Variants in KIT observed in about 807,000 individuals in gnomAD.
KIT encodes mast/stem cell growth factor receptor Kit.
Under a neutral mutation model 105.7 loss-of-function variants are expected in KIT, and 16 were observed. That is an observed-to-expected ratio of 0.15 (90% CI 0.10 to 0.23). KIT has a LOEUF of 0.23. Among genes scored for constraint, KIT ranks in the 10% least tolerant of loss-of-function variants. KIT has a pLI of 1.00. For missense variants in KIT, 858 were observed against 1,213.8 expected, an observed-to-expected ratio of 0.71 and a Z score of 4.36; for synonymous variants, 438 against 441.1, an observed-to-expected ratio of 0.99 and a Z score of 0.09.
chr4:54,670,975 ATAATAACTGTTG>A (rs72087941), intron 1 of KIT, among the ~76,000 whole-genome samples: 46,626 of 151,964 alleles, frequency 0.31, 7,769 homozygotes, highest in Admixed American at 0.4. Flanking sequence ...TTCAGTTTTA[ATAATAACTGTTG>A]TAATAACTGT....
intron 1 of KIT, among the ~76,000 whole-genome samples, chr4:54,675,720 C>T (rs1718417809): frequency 6.6e-6 from 1 of 152,166 alleles, no homozygotes; most frequent in South Asian, 2.1e-4. Context: ...TTTTACAGGG[C>T]TGTGTGGAAG....
intron 1 of KIT, among the ~76,000 whole-genome samples, chr4:54,672,103 CA>C (rs1718150517): frequency 6.6e-6 from 1 of 152,016 alleles, no homozygotes; most frequent in Non-Finnish European, 1.5e-5. Flanking sequence ...TAAAAGAAAG[CA>C]AACAAGATCT....
chr4:54,662,210 A>T (rs1251073705), intron 1 of KIT, among the ~76,000 whole-genome samples: 2 of 152,162 alleles, frequency 1.3e-5, no homozygotes, highest in African/African-American at 4.8e-5. Context: ...AGGAATCCAA[A>T]TATGCCCCTG....
At chr4:54,683,959 C>T (rs1365108366) in intron 1 of KIT, among the ~76,000 whole-genome samples, 1 of 152,094 alleles carries the variant, frequency 6.6e-6, no homozygotes, top group Non-Finnish European at 1.5e-5. Context: ...GCCCAGAGAT[C>T]ACAAAAATAA....
At chr4:54,699,906 C>T (rs1720346182) in intron 4 of KIT, 140 bp downstream of exon 4, 2 of 832,658 alleles carry the variant, frequency 2.4e-6, no homozygotes, top group Non-Finnish European at 4.0e-6. Flanking sequence ...GTTGGGATTG[C>T]ATATTTCCCC....
intron 2 of KIT, among the ~76,000 whole-genome samples, chr4:54,697,830 A>G (rs1164583466): frequency 6.6e-6 from 1 of 152,188 alleles, no homozygotes; most frequent in Non-Finnish European, 1.5e-5. Context: ...TCTCACTAGG[A>G]ATCATCACAC....
chr4:54,687,432 C>A (rs1034955533), intron 1 of KIT, among the ~76,000 whole-genome samples: 3 of 151,846 alleles, frequency 2.0e-5, no homozygotes, highest in Non-Finnish European at 2.9e-5. Flanking sequence ...CAGAGCAAGA[C>A]CCCATCTCCA....
At chr4:54,734,971 T>C (rs563035374) in intron 17 of KIT, among the ~76,000 whole-genome samples, 1 of 152,270 alleles carries the variant, frequency 6.6e-6, no homozygotes, top group South Asian at 2.1e-4. Context: ...GTTAGGTTGG[T>C]GTAAAAGTAA....
chr4:54,697,396 G>T (rs1401394268), intron 2 of KIT, among the ~76,000 whole-genome samples: 2 of 152,202 alleles, frequency 1.3e-5, no homozygotes, highest in Non-Finnish European at 2.9e-5. Flanking sequence ...AATGTAATCT[G>T]TGGGCCTAAA....
intron 1 of KIT, 117 bp from the exon 2 acceptor site, chr4:54,695,395 A>C (rs1006214853): frequency 9.8e-7 from 1 of 1,019,822 alleles, no homozygotes; most frequent in Non-Finnish European, 1.5e-6. Flanking sequence ...ATAGCAGGGC[A>C]GCTTTGTCCT....
intron 1 of KIT, among the ~76,000 whole-genome samples, chr4:54,683,068 TGG>T (rs139851952): frequency 0.16 from 25,059 of 152,070 alleles, 3,983 homozygotes; most frequent in African/African-American, 0.42. Context: ...AACCTTCCGA[TGG>T]GGCCTATGTG....
At chr4:54,712,142 A>G (rs1296554449) in intron 7 of KIT, among the ~76,000 whole-genome samples, 4 of 152,170 alleles carry the variant, frequency 2.6e-5, no homozygotes, top group African/African-American at 7.2e-5. Flanking sequence ...ATGTTAAAAG[A>G]CTTTCTTTTC....
chr4:54,662,988 AG>A (rs201326459), intron 1 of KIT, among the ~76,000 whole-genome samples: 2 of 145,930 alleles, frequency 1.4e-5, no homozygotes, highest in Non-Finnish European at 3.0e-5. Flanking sequence ...TTTTTTCTCC[AG>A]GGGGGAAAAA....
chr4:54,716,387 G>T (rs768052808), intron 7 of KIT, among the ~76,000 whole-genome samples: 1 of 152,000 alleles, frequency 6.6e-6, no homozygotes, highest in Non-Finnish European at 1.5e-5. Context: ...ATTATGTGAA[G>T]GGTAGAACAA....
At chr4:54,658,945 G>T (rs560604069) in intron 1 of KIT, among the ~76,000 whole-genome samples, 36 of 152,338 alleles carry the variant, frequency 2.4e-4, no homozygotes, top group African/African-American at 8.4e-4. Context: ...GCTCCGGGAA[G>T]GCAAGGGACA....
At chr4:54,700,677 C>T (rs184977770) in intron 4 of KIT, among the ~76,000 whole-genome samples, 42 of 152,304 alleles carry the variant, frequency 2.8e-4, no homozygotes, top group African/African-American at 9.4e-4. Flanking sequence ...CTTTCTCCTC[C>T]TCTTCCTCCT....
At chr4:54,669,705 G>GAAA (rs10603436) in intron 1 of KIT, among the ~76,000 whole-genome samples, 4 of 132,758 alleles carry the variant, frequency 3.0e-5, no homozygotes, top group African/African-American at 8.2e-5. Context: ...GTCCAGAAAG[G>GAAA]AAAAAAAAAA....
rs527544824 is a variant in KIT, at chr4:54,681,289, T to C, written c.68-14223T>C. Reference sequence around the variant, plus strand: ...ACGGCAGCGGGGATGGGGTGGGGGGTGCGGGGAAACGGGGGACTGTGCTGG... The same window carrying C: ...ACGGCAGCGGGGATGGGGTGGGGGGCGCGGGGAAACGGGGGACTGTGCTGG... On this transcript the variant is annotated intron_variant, in intron 1 of 20. Transcript: ENST00000288135. Among the ~76,000 whole-genome samples, 3 of 118,508 alleles carry C rather than the reference T, an allele frequency of 2.5e-5. No homozygotes were observed. In the South Asian group the frequency reaches 9.3e-4, roughly 37 times the overall value. 77.7% of individuals were successfully genotyped at this position (118,508 alleles called of 152,430 possible).
chr4:54,682,695 G>C (rs1719024103), intron 1 of KIT, among the ~76,000 whole-genome samples: 1 of 151,404 alleles, frequency 6.6e-6, no homozygotes, highest in Non-Finnish European at 1.5e-5. Flanking sequence ...CTCCCAAAGT[G>C]CTGGGATTAC....
Sources: allele counts gnomAD v4.1 joint callset (sites outside exome capture counted in the v4.1 genomes callset), GRCh38; gene constraint gnomAD v4.1.1; transcripts MANE v1.5; gene names NCBI Gene and HGNC (gene_info 2026-07-23, HGNC 2026-07-21).